STARD13: variants seen among roughly 807,000 people sequenced by gnomAD.
STARD13 encodes the protein stAR-related lipid transfer protein 13.
Under a neutral mutation model 106.4 loss-of-function variants are expected in STARD13, and 62 were observed. The observed-to-expected ratio is 0.58, with a 90% CI of 0.48 to 0.72. The LOEUF (loss-of-function observed/expected upper bound fraction) is 0.72, where lower values mean the gene tolerates loss of function less well. Among genes scored for constraint, STARD13 ranks in the 30% least tolerant of loss-of-function variants. STARD13 has a pLI of 0.00. For missense variants in STARD13, 1,387 were observed against 1,424.0 expected (o/e 0.97, Z 0.42); for synonymous variants, 565 against 553.0 (o/e 1.02, Z -0.31).
At chr13:33,362,408 C>T in the STARD13 span, among the ~76,000 whole-genome samples, 1 of 152,200 alleles carries the variant, frequency 6.6e-6, no homozygotes, top group East Asian at 1.9e-4. Context: ...CTGGGAATCA[C>T]ATTTCCACAT....
At chr13:33,124,642 AC>A (rs1485053521) in intron 7 of STARD13, among the ~76,000 whole-genome samples, 2 of 152,222 alleles carry the variant, frequency 1.3e-5, no homozygotes, top group Non-Finnish European at 2.9e-5. Context: ...TTCAGAAGCT[AC>A]GGGGGGCAGG....
the STARD13 span, among the ~76,000 whole-genome samples, chr13:33,562,041 A>G: frequency 2.7e-5 from 4 of 146,698 alleles, 1 homozygote; most frequent in African/African-American, 1.0e-4. Flanking sequence ...ATAGTGAATG[A>G]GTTATATTCT....
intron 1 of STARD13, among the ~76,000 whole-genome samples, chr13:33,276,497 A>G (rs904295680): frequency 3.3e-5 from 5 of 152,220 alleles, no homozygotes; most frequent in African/African-American, 1.2e-4. Context: ...TACATATTAT[A>G]CATAATTTCA....
At chr13:33,126,992 A>G (rs914014124) in intron 6 of STARD13, among the ~76,000 whole-genome samples, 3 of 152,196 alleles carry the variant, frequency 2.0e-5, no homozygotes, top group African/African-American at 4.8e-5. Flanking sequence ...GAATGAATCA[A>G]TGCTCTAAGT....
At chr13:33,119,585 T>C (rs890311672) in intron 7 of STARD13, among the ~76,000 whole-genome samples, 1 of 152,232 alleles carries the variant, frequency 6.6e-6, no homozygotes, top group Non-Finnish European at 1.5e-5. Context: ...TTCCAAGCCA[T>C]TAGAGCATAC....
chr13:33,577,579 TA>T, the STARD13 span, among the ~76,000 whole-genome samples: 2 of 152,122 alleles, frequency 1.3e-5, no homozygotes, highest in Non-Finnish European at 2.9e-5. Flanking sequence ...CACACATATA[TA>T]GTCAACTGAT....
At chr13:33,401,262 C>T in the STARD13 span, among the ~76,000 whole-genome samples, 1 of 152,218 alleles carries the variant, frequency 6.6e-6, no homozygotes, top group Admixed American at 6.5e-5. Context: ...ATTTTCTAAG[C>T]AAAACTAGGA....
chr13:33,578,730 A>G, the STARD13 span, among the ~76,000 whole-genome samples: 10 of 152,174 alleles, frequency 6.6e-5, no homozygotes, highest in Non-Finnish European at 1.3e-4. Context: ...CAATGAGAGA[A>G]AATATTTGCA....
the STARD13 span, among the ~76,000 whole-genome samples, chr13:33,482,743 T>C: frequency 2.0e-5 from 3 of 152,350 alleles, no homozygotes; most frequent in African/African-American, 7.2e-5. Flanking sequence ...GGAGGCTTTA[T>C]GTTTTTAACT....
At chr13:33,299,694 G>A (rs1334443349) in intron 1 of STARD13, among the ~76,000 whole-genome samples, 2 of 152,066 alleles carry the variant, frequency 1.3e-5, no homozygotes, top group African/African-American at 2.4e-5. Context: ...TTTTACCATC[G>A]TGTTCTAAGG....
chr13:33,408,976 A>G, the STARD13 span, among the ~76,000 whole-genome samples: 37 of 151,724 alleles, frequency 2.4e-4, 1 homozygote, highest in African/African-American at 9.0e-4. Context: ...AAGAGCAACC[A>G]GCCCTCTCAC....
chr13:33,370,545 C>T, the STARD13 span, among the ~76,000 whole-genome samples: 1 of 151,642 alleles, frequency 6.6e-6, no homozygotes, highest in Non-Finnish European at 1.5e-5. Flanking sequence ...TTATGTAAAA[C>T]AAAATTGTAT....
the STARD13 span, among the ~76,000 whole-genome samples, chr13:33,603,128 C>G: frequency 6.6e-6 from 1 of 152,186 alleles, no homozygotes; most frequent in African/African-American, 2.4e-5. Context: ...TCACCACATC[C>G]AGACAATAAG....
At chr13:33,539,122 CTAAAA>C in the STARD13 span, among the ~76,000 whole-genome samples, 1 of 151,966 alleles carries the variant, frequency 6.6e-6, no homozygotes, top group African/African-American at 2.4e-5. Flanking sequence ...AATTCTAGAA[CTAAAA>C]TAAAATGATT....
chr13:33,664,093 C>T, the STARD13 span, among the ~76,000 whole-genome samples: 1 of 152,166 alleles, frequency 6.6e-6, no homozygotes, highest in Non-Finnish European at 1.5e-5. Context: ...CAGGATTTTC[C>T]TAGATCCAAG....
At chr13:33,668,647 C>G in the STARD13 span, among the ~76,000 whole-genome samples, 8 of 152,234 alleles carry the variant, frequency 5.3e-5, no homozygotes, top group East Asian at 3.9e-4. Context: ...TTCCTGGAAC[C>G]CTGAGTGAGA....
At chr13:33,644,651 C>T in the STARD13 span, among the ~76,000 whole-genome samples, 6 of 152,272 alleles carry the variant, frequency 3.9e-5, no homozygotes, top group Non-Finnish European at 7.4e-5. Flanking sequence ...CAGATTTCTA[C>T]TTCCAGCTGT....
intron 1 of STARD13, among the ~76,000 whole-genome samples, chr13:33,250,255 C>T (rs1257414896): frequency 1.3e-5 from 2 of 152,168 alleles, no homozygotes; most frequent in Non-Finnish European, 2.9e-5. Context: ...AAGTCAGTTA[C>T]TTTGGGGGGC....
At chr13:33,665,406 C>T in the STARD13 span, among the ~76,000 whole-genome samples, 1 of 152,070 alleles carries the variant, frequency 6.6e-6, no homozygotes, top group African/African-American at 2.4e-5. Context: ...TAAGAAAAAA[C>T]AATACACAGA....
Sources: gnomAD v4.1 joint callset for allele counts (sites outside exome capture counted in the v4.1 genomes callset) on GRCh38, gnomAD v4.1.1 for gene constraint, MANE v1.5 for transcripts, NCBI Gene and HGNC (gene_info 2026-07-23, HGNC 2026-07-21) for gene names.